PKN2: variants seen among roughly 807,000 people sequenced by gnomAD.
PKN2 encodes protein kinase N2.
A neutral mutation model predicts 119.1 loss-of-function variants in PKN2; 38 were observed. That is an observed-to-expected ratio of 0.32 (90% CI 0.25 to 0.42). The LOEUF is 0.42. Ranked by LOEUF, PKN2 falls within the 10% of genes least tolerant of loss-of-function variation. The probability of loss-of-function intolerance (pLI) is 1.00; values close to 1 mark genes in which losing one functional copy is unlikely to be tolerated. For synonymous variants in PKN2, 390 were observed against 384.9 expected (o/e 1.01, Z -0.15); for missense variants, 850 against 1,165.1 (o/e 0.73, Z 3.94).
chr1:88,731,784 T>C (rs1334872695), intron 1 of PKN2, among the ~76,000 whole-genome samples: 31 of 152,316 alleles, frequency 2.0e-4, no homozygotes, highest in East Asian at 3.9e-4. Context: ...GGAGTAAACA[T>C]CCTCTCCTGT....
At chr1:88,823,463 A>T (rs1298614432) in intron 17 of PKN2, among the ~76,000 whole-genome samples, 3 of 151,984 alleles carry the variant, frequency 2.0e-5, no homozygotes, top group Non-Finnish European at 4.4e-5. Flanking sequence ...GCACTTTTGG[A>T]GGCCGAGGCA....
chr1:88,807,475 A>G (rs190236091), intron 13 of PKN2, 32 bp downstream of exon 13: 4 of 1,605,558 alleles, frequency 2.5e-6, no homozygotes, highest in African/African-American at 1.3e-5. Flanking sequence ...TTGCGACTAC[A>G]TGTTTGGTAC....
intron 15 of PKN2, among the ~76,000 whole-genome samples, chr1:88,809,999 A>T (rs1015396205): frequency 8.5e-5 from 13 of 152,198 alleles, no homozygotes; most frequent in African/African-American, 3.1e-4. Context: ...AAAATCCAAG[A>T]GTGAGAAATA....
intron 1 of PKN2, among the ~76,000 whole-genome samples, chr1:88,723,530 T>G (rs1376203350): frequency 6.6e-6 from 1 of 151,792 alleles, no homozygotes; most frequent in African/African-American, 2.4e-5. Context: ...CAAGCAATTC[T>G]TGTGCTTCAG....
intron 12 of PKN2, among the ~76,000 whole-genome samples, chr1:88,806,750 G>C (rs1159253081): frequency 1.3e-5 from 2 of 151,612 alleles, no homozygotes; most frequent in East Asian, 3.9e-4. Flanking sequence ...ACGGAGTTTT[G>C]CTCTTGTTGC....
chr1:88,722,987 A>G (rs957754596), intron 1 of PKN2, among the ~76,000 whole-genome samples: 1 of 152,192 alleles, frequency 6.6e-6, no homozygotes, highest in Non-Finnish European at 1.5e-5. Flanking sequence ...TGGCAGGAGC[A>G]TCTAACCAAT....
At chr1:88,706,969 A>G (rs1164352846) in intron 1 of PKN2, among the ~76,000 whole-genome samples, 1 of 151,974 alleles carries the variant, frequency 6.6e-6, no homozygotes, top group Non-Finnish European at 1.5e-5. Flanking sequence ...ATGTTTGGTC[A>G]GATGTTTTGG....
chr1:88,773,467 C>T lies in PKN2; in HGVS notation c.985+1588C>T, dbSNP rs187301364. On this transcript the variant is annotated intron_variant, in intron 6 of 21. Transcript: ENST00000370521. ...ATGTGCCACTGCACCTGGCTAATTTCTGTATTTTTAGTAGAGACAGGGTTT... is the reference window on the plus strand; with the variant it reads ...ATGTGCCACTGCACCTGGCTAATTTTTGTATTTTTAGTAGAGACAGGGTTT... 5.5e-3 allele frequency among the ~76,000 whole-genome samples: 832 copies of T among 151,844 alleles called. 5 individuals carry two copies. Among genetic ancestry groups the T allele is most frequent in the African/African-American group, 0.019 (801 of 41,382 alleles).
intron 8 of PKN2, among the ~76,000 whole-genome samples, chr1:88,793,588 C>A (rs1670935264): frequency 6.6e-6 from 1 of 152,060 alleles, no homozygotes; most frequent in Admixed American, 6.6e-5. Context: ...CATTTGCCAT[C>A]ATTATGAGGG....
intron 15 of PKN2, among the ~76,000 whole-genome samples, chr1:88,811,227 A>G (rs540128019): frequency 2.6e-5 from 4 of 152,270 alleles, no homozygotes; most frequent in Non-Finnish European, 4.4e-5. Context: ...ATATTTCAAC[A>G]CAACAGAATA....
intron 2 of PKN2, 94 bp from the exon 3 acceptor site, chr1:88,760,128 G>A (rs1669382134): frequency 1.5e-6 from 1 of 684,930 alleles, no homozygotes; most frequent in South Asian, 1.7e-5. Context: ...TCATCTCAAA[G>A]TTTGAAAAAT....
At position 88,806,165 on chromosome 1, in the gene PKN2, G is replaced by GT. The variant is rs1671529548; in HGVS notation, c.1803+154dup. 2.0e-5 allele frequency: 15 copies of GT among 743,490 alleles called. No homozygotes were observed. The South Asian group carries it at 2.7e-4, about 13-fold the overall frequency. The allele number at this position is 743,490 out of a possible 1,614,324, so 46.1% of individuals were successfully genotyped here. A position where few individuals can be genotyped will look rare whatever the true frequency, so the allele number is the denominator to read the frequency against. On this transcript the variant is annotated intron_variant, in intron 12 of 21. Coordinates refer to ENST00000370521, the MANE Select transcript of PKN2 (RefSeq NM_006256.4). ...TTGTTTGTTTTTTGTTTTTGTTTTT[G>GT]TTTTTTGAGACAGAGTTTCACTCTT...
chr1:88,824,025 A>AG (rs1672401693), intron 17 of PKN2, among the ~76,000 whole-genome samples: 1 of 150,178 alleles, frequency 6.7e-6, no homozygotes, highest in Non-Finnish European at 1.5e-5. Context: ...AAAAAAAAAA[A>AG]GGATTAAATT....
chr1:88,711,541 A>G (rs1303760341), intron 1 of PKN2, among the ~76,000 whole-genome samples: 1 of 152,300 alleles, frequency 6.6e-6, no homozygotes, highest in African/African-American at 2.4e-5. Context: ...AATGTGAAAT[A>G]AGATTGGGAT....
At chr1:88,739,618 C>T (rs954961392) in intron 1 of PKN2, among the ~76,000 whole-genome samples, 2 of 152,298 alleles carry the variant, frequency 1.3e-5, no homozygotes, top group Admixed American at 1.3e-4. Flanking sequence ...CCATGTCCTT[C>T]ATAAACTCAA....
chr1:88,691,050 T>A lies in PKN2; in HGVS notation c.48+6422T>A, dbSNP rs377240604. 2.6e-5 allele frequency among the ~76,000 whole-genome samples: 4 copies of A among 152,140 alleles called. No homozygotes were observed. In the East Asian group the frequency reaches 7.7e-4, roughly 29 times the overall value. ...ACCACACAATACATGTGCTGAGAGT[T>A]TTTTATTTATTTTATTTTTATTTTT... On this transcript the variant is annotated intron_variant, in intron 1 of 21. Coordinates refer to ENST00000370521, the MANE Select transcript of PKN2 (RefSeq NM_006256.4).
At chr1:88,749,580 T>A (rs1469412706) in intron 2 of PKN2, among the ~76,000 whole-genome samples, 1 of 152,194 alleles carries the variant, frequency 6.6e-6, no homozygotes, top group Non-Finnish European at 1.5e-5. Flanking sequence ...CAATTAAGCC[T>A]CCTTTAATTA....
intron 3 of PKN2, among the ~76,000 whole-genome samples, chr1:88,767,026 A>G (rs868631094): frequency 6.6e-6 from 1 of 152,190 alleles, no homozygotes; most frequent in African/African-American, 2.4e-5. Flanking sequence ...TTCATTTTGC[A>G]TGACAATAAA....
chr1:88,735,889 GT>G (rs1321516096), intron 1 of PKN2, among the ~76,000 whole-genome samples: 1 of 152,078 alleles, frequency 6.6e-6, no homozygotes, highest in African/African-American at 2.4e-5. Flanking sequence ...GTTTTGGGAA[GT>G]TTTGTGTTAT....
Sources: allele counts gnomAD v4.1 joint callset (sites outside exome capture counted in the v4.1 genomes callset), GRCh38; gene constraint gnomAD v4.1.1; transcripts MANE v1.5; gene names NCBI Gene and HGNC (gene_info 2026-07-23, HGNC 2026-07-21).